The following YWHAE variants were observed in gnomAD, a reference collection of about 807,000 sequenced individuals.
YWHAE encodes 14-3-3 protein epsilon.
In YWHAE, 4 loss-of-function variants were observed where a neutral mutation model predicts 30.1. That is an observed-to-expected ratio of 0.13 (90% CI 0.07 to 0.30). The LOEUF is 0.30. Ranked by LOEUF, YWHAE falls within the 10% of genes least tolerant of loss-of-function variation. YWHAE has a pLI of 1.00. For synonymous variants in YWHAE, 118 were observed against 111.8 expected (o/e 1.06, Z -0.35); for missense variants, 121 against 315.9 (o/e 0.38, Z 4.68).
chr17:1,390,207 G>A (rs550676518), intron 1 of YWHAE, among the ~76,000 whole-genome samples: 4 of 152,232 alleles, frequency 2.6e-5, no homozygotes, highest in Admixed American at 6.5e-5. Context: ...GTTTGCTAAG[G>A]AGAAAGTCTC....
chr17:1,370,717 T>C (rs1482041535), intron 1 of YWHAE, among the ~76,000 whole-genome samples: 5 of 152,056 alleles, frequency 3.3e-5, no homozygotes, highest in Non-Finnish European at 7.4e-5. Context: ...CATTGCAGGC[T>C]GGGAGCGGTG....
At chr17:1,367,042 T>C (rs575877979) in intron 1 of YWHAE, among the ~76,000 whole-genome samples, 3 of 152,102 alleles carry the variant, frequency 2.0e-5, no homozygotes, top group Non-Finnish European at 4.4e-5. Context: ...CTTTCGGGAA[T>C]ATAAAAAAAA....
At chr17:1,391,485 G>C (rs2073388962) in intron 1 of YWHAE, among the ~76,000 whole-genome samples, 2 of 152,144 alleles carry the variant, frequency 1.3e-5, no homozygotes, top group South Asian at 2.1e-4. Context: ...TGTAGCTGAT[G>C]AATTAGTCTG....
intron 1 of YWHAE, among the ~76,000 whole-genome samples, chr17:1,372,542 G>A (rs1247434923): frequency 6.6e-6 from 1 of 152,220 alleles, no homozygotes; most frequent in African/African-American, 2.4e-5. Flanking sequence ...TTTAAAGTGA[G>A]AGACTGGGAC....
At chr17:1,397,585 G>C (rs1467075621) in intron 1 of YWHAE, among the ~76,000 whole-genome samples, 2 of 152,106 alleles carry the variant, frequency 1.3e-5, no homozygotes, top group Non-Finnish European at 2.9e-5. Context: ...AGGGCAGCTG[G>C]AAACCCAGCA....
chr17:1,353,563 G>A (rs1037905878), intron 5 of YWHAE, among the ~76,000 whole-genome samples: 1 of 151,998 alleles, frequency 6.6e-6, no homozygotes, highest in African/African-American at 2.4e-5. Flanking sequence ...AGGAGTTCAA[G>A]ACCAGCCTGA....
intron 1 of YWHAE, among the ~76,000 whole-genome samples, chr17:1,384,451 G>A (rs570524478): frequency 1.3e-5 from 2 of 151,660 alleles, no homozygotes; most frequent in Non-Finnish European, 2.9e-5. Context: ...CAGCACTTTG[G>A]GAGGCCAAGG....
chr17:1,353,008 A>AT (rs1297836377), intron 5 of YWHAE, among the ~76,000 whole-genome samples: 1 of 152,220 alleles, frequency 6.6e-6, no homozygotes, highest in Non-Finnish European at 1.5e-5. Context: ...TTCTCTAGAC[A>AT]GAGAATAAAA....
chr17:1,345,379 G>A lies in YWHAE; in HGVS notation c.*68C>T. The A allele has an allele frequency of 6.6e-7, 1 of 1,507,558 alleles. No homozygotes were observed. The highest frequency in any genetic ancestry group is 2.3e-5 in the East Asian group (1 of 44,254). 93.4% of individuals were successfully genotyped at this position (1,507,558 alleles called of 1,614,324 possible). Reference sequence around the variant, plus strand: ...ATTTGGTGGTTCTCAGTGACAATGGGGAGTTTCCAAAGGGTGGGATGGGGA... The same window carrying A: ...ATTTGGTGGTTCTCAGTGACAATGGAGAGTTTCCAAAGGGTGGGATGGGGA... On this transcript the variant is annotated 3_prime_UTR_variant, in exon 6 of 6. Transcript: ENST00000264335.
At chr17:1,377,145 C>A (rs1053213835) in intron 1 of YWHAE, among the ~76,000 whole-genome samples, 1 of 152,030 alleles carries the variant, frequency 6.6e-6, no homozygotes, top group African/African-American at 2.4e-5. Context: ...AACTCCTGAC[C>A]TCAGGTGATC....
At chr17:1,356,325 T>C (rs955901619) in intron 4 of YWHAE, among the ~76,000 whole-genome samples, 5 of 151,652 alleles carry the variant, frequency 3.3e-5, no homozygotes, top group Admixed American at 2.0e-4. Context: ...GGTGAAACTG[T>C]GCCAATGCAC....
chr17:1,365,572 T>C (rs545334069), intron 1 of YWHAE, among the ~76,000 whole-genome samples: 60 of 152,262 alleles, frequency 3.9e-4, no homozygotes, highest in Middle Eastern at 3.4e-3. Context: ...AGCTCCTTCA[T>C]TGGTAAAACT....
intron 3 of YWHAE, 134 bp from the exon 4 acceptor site, chr17:1,361,432 T>A: frequency 1.5e-6 from 1 of 669,622 alleles, no homozygotes; most frequent in Non-Finnish European, 2.3e-6. Flanking sequence ...TGTACTTCAA[T>A]AATTTTAAAC....
At chr17:1,360,680 C>A (rs1025861082) in intron 4 of YWHAE, among the ~76,000 whole-genome samples, 1 of 152,132 alleles carries the variant, frequency 6.6e-6, no homozygotes, top group South Asian at 2.1e-4. Flanking sequence ...ACAGGAGAAT[C>A]ACTTGAACCC....
rs147885648 is a variant in YWHAE, at chr17:1,356,628, G to A, written c.579-2281C>T. Among the ~76,000 whole-genome samples, 727 of 152,228 alleles carry A rather than the reference G, an allele frequency of 4.8e-3. 5 individuals carry two copies. The highest frequency in any genetic ancestry group is 0.017 in the African/African-American group (689 of 41,536). ...AAATAGCCACAGCTTCTTCAGTTAC[G>A]ATCCCTATCTGGACAAACTCAACTA... On this transcript the variant is annotated intron_variant, in intron 4 of 5. Coordinates refer to ENST00000264335, the MANE Select transcript of YWHAE (RefSeq NM_006761.5).
At chr17:1,399,986 C>CCTCTGTG (rs2073542940) in intron 1 of YWHAE, 61 bp downstream of exon 1, 1 of 1,600,168 alleles carries the variant, frequency 6.2e-7, no homozygotes, top group Non-Finnish European at 8.6e-7. Flanking sequence ...CTGTTCCCGG[C>CCTCTGTG]CTCTGTGGGC....
intron 5 of YWHAE, among the ~76,000 whole-genome samples, chr17:1,349,617 A>ATT (rs201047199): frequency 6.8e-6 from 1 of 147,608 alleles, no homozygotes; most frequent in Non-Finnish European, 1.5e-5. Flanking sequence ...ATTTCACTAG[A>ATT]TTTTTTTTTT....
At chr17:1,383,297 C>T (rs1319955261) in intron 1 of YWHAE, among the ~76,000 whole-genome samples, 1 of 151,804 alleles carries the variant, frequency 6.6e-6, no homozygotes, top group African/African-American at 2.4e-5. Context: ...TTTCCGCGAG[C>T]TGAGATCGCG....
chr17:1,353,310 C>T (rs182037974), intron 5 of YWHAE, among the ~76,000 whole-genome samples: 229 of 151,774 alleles, frequency 1.5e-3, no homozygotes, highest in Non-Finnish European at 2.7e-3. Flanking sequence ...TGGTGGCAGG[C>T]ACCTGTAGTC....
Sources: allele counts gnomAD v4.1 joint callset (sites outside exome capture counted in the v4.1 genomes callset), GRCh38; gene constraint gnomAD v4.1.1; transcripts MANE v1.5; gene names NCBI Gene and HGNC (gene_info 2026-07-23, HGNC 2026-07-21).